Variants in PTPRT observed in about 807,000 individuals in gnomAD.
The protein encoded by PTPRT is protein tyrosine phosphatase receptor type T.
Under a neutral mutation model 176.8 loss-of-function variants are expected in PTPRT, and 56 were observed. That is an observed-to-expected ratio of 0.32 (90% confidence interval 0.26 to 0.40). PTPRT has a LOEUF of 0.40. PTPRT is among the 10% of genes least tolerant of loss of function. PTPRT has a pLI of 1.00. For synonymous variants in PTPRT, 783 were observed against 739.0 expected, an observed-to-expected ratio of 1.06 and a Z score of -0.96; for missense variants, 1,540 against 1,908.2, an observed-to-expected ratio of 0.81 and a Z score of 3.60.
intron 1 of PTPRT, among the ~76,000 whole-genome samples, chr20:43,006,377 T>C (rs1042934715): frequency 2.0e-5 from 3 of 152,244 alleles, no homozygotes; most frequent in Non-Finnish European, 4.4e-5. Flanking sequence ...TAATTCATTC[T>C]GGTTCTCAAA....
At chr20:42,188,106 G>A (rs530054263) in intron 16 of PTPRT, among the ~76,000 whole-genome samples, 43 of 152,272 alleles carry the variant, frequency 2.8e-4, no homozygotes, top group Admixed American at 2.6e-4. Flanking sequence ...ACCTCAAATC[G>A]ATTGGCCTAG....
At chr20:43,084,437 G>A (rs2011548826) in intron 1 of PTPRT, among the ~76,000 whole-genome samples, 1 of 152,020 alleles carries the variant, frequency 6.6e-6, no homozygotes. Flanking sequence ...GATGGTAGGA[G>A]ACAGAGCAAG....
chr20:42,266,600 A>G (rs1281657876), intron 13 of PTPRT, among the ~76,000 whole-genome samples: 1 of 152,114 alleles, frequency 6.6e-6, no homozygotes, highest in African/African-American at 2.4e-5. Context: ...TATTTTTCTC[A>G]ATATAAACAT....
At chr20:42,129,753 C>T (rs888050411) in intron 18 of PTPRT, among the ~76,000 whole-genome samples, 2 of 152,148 alleles carry the variant, frequency 1.3e-5, no homozygotes, top group African/African-American at 4.8e-5. Context: ...CTGGGAGTCA[C>T]GGAGGTCAGA....
the PTPRT span, among the ~76,000 whole-genome samples, chr20:42,039,703 G>A: frequency 5.8e-5 from 7 of 119,672 alleles, no homozygotes; most frequent in Non-Finnish European, 9.0e-5. Context: ...TATATATATA[G>A]TAATGTATAT....
intron 11 of PTPRT, among the ~76,000 whole-genome samples, chr20:42,321,326 C>T (rs1169063966): frequency 1.3e-5 from 2 of 152,158 alleles, no homozygotes; most frequent in Non-Finnish European, 2.9e-5. Context: ...TCAGCTGAAT[C>T]AGAATCTCTA....
intron 1 of PTPRT, among the ~76,000 whole-genome samples, chr20:42,903,502 A>T (rs1244582782): frequency 6.6e-6 from 1 of 152,260 alleles, no homozygotes. Flanking sequence ...CGATAATAGC[A>T]TCCGGCGTTC....
At chr20:42,443,285 C>T (rs2059335324) in intron 9 of PTPRT, among the ~76,000 whole-genome samples, 1 of 152,180 alleles carries the variant, frequency 6.6e-6, no homozygotes, top group African/African-American at 2.4e-5. Flanking sequence ...CTTTAATGTA[C>T]ACATGAATTA....
chr20:42,703,791 C>T (rs1334023221), intron 6 of PTPRT, among the ~76,000 whole-genome samples: 1 of 152,142 alleles, frequency 6.6e-6, no homozygotes, highest in Non-Finnish European at 1.5e-5. Context: ...CAGATGCCAC[C>T]TCTACTTGCC....
chr20:42,138,545 T>A lies in PTPRT; in HGVS notation c.2770+3370A>T, dbSNP rs563716404. ...AGAAGGGGGCCTCATTTTGTAACAT[T>A]TGCAACCCCTGTGATCACTTCAGCT... is the stretch of plus-strand genomic sequence containing the variant. On this transcript the variant is annotated intron_variant, in intron 18 of 30. Transcript: ENST00000373187. Among the ~76,000 whole-genome samples, 7 of 152,326 alleles carry A rather than the reference T, an allele frequency of 4.6e-5. No individual in the cohort carries two copies. In the South Asian group the frequency reaches 1.5e-3, roughly 32 times the overall value.
chr20:43,083,392 G>A (rs1292589261), intron 1 of PTPRT, among the ~76,000 whole-genome samples: 1 of 74,986 alleles, frequency 1.3e-5, no homozygotes, highest in Non-Finnish European at 2.8e-5. Context: ...ACAGAGTCTC[G>A]CTCTGTGGCC....
chr20:43,110,680 TA>T (rs1211349831), intron 1 of PTPRT, among the ~76,000 whole-genome samples: 2 of 152,184 alleles, frequency 1.3e-5, no homozygotes, highest in African/African-American at 4.8e-5. Context: ...AAACGTTTAT[TA>T]AAAATCACTC....
At position 43,059,059 on chromosome 20, in the gene PTPRT, C is replaced by A. The variant is rs149723450; in HGVS notation, c.88+130587G>T. 5.6e-4 allele frequency among the ~76,000 whole-genome samples: 85 copies of A among 152,318 alleles called. No homozygotes were observed. In the East Asian group the frequency reaches 0.014, roughly 25 times the overall value. ...TCCTTTGAAACCAGTCTGCACCCTG[C>A]ACCTAGCCCTTGCACTCTGAGCCTA... On this transcript the variant is annotated intron_variant, in intron 1 of 30. Coordinates refer to ENST00000373187, the MANE Select transcript of PTPRT (RefSeq NM_007050.6).
chr20:42,356,864 A>C (rs980769934), intron 9 of PTPRT, among the ~76,000 whole-genome samples: 2 of 152,152 alleles, frequency 1.3e-5, no homozygotes, highest in Non-Finnish European at 2.9e-5. Flanking sequence ...AGTACTAAAA[A>C]GAGCCATGGT....
In PTPRT at chr20:42,248,570, T is replaced by C. The variant is rs1287173142; in HGVS notation, c.2312+117A>G. ...CGGCCCATGTATTTCCGGACCTCAA[T>C]GGTTATAACAGAAGATCCCTGCTGG... On this transcript the variant is annotated intron_variant, in intron 14 of 30. Transcript: ENST00000373187. The C allele has an allele frequency of 1.9e-5, 25 of 1,324,420 alleles. No individual in the cohort carries two copies. The Admixed American group carries it at 4.9e-4, about 26-fold the overall frequency. The allele number at this position is 1,324,420 out of a possible 1,614,324, so 82.0% of individuals were successfully genotyped here. A position where few individuals can be genotyped will look rare whatever the true frequency, so the allele number is the denominator to read the frequency against.
Position 42,574,157 on chromosome 20 carries a change from C to T in PTPRT, c.1154-101595G>A, listed in dbSNP as rs185970440. Among the ~76,000 whole-genome samples, 688 of 152,212 alleles carry T rather than the reference C, an allele frequency of 4.5e-3. 7 individuals carry two copies. The highest frequency in any genetic ancestry group is 4.9e-3 in the Non-Finnish European group (335 of 68,016). On this transcript the variant is annotated intron_variant, in intron 7 of 30. Coordinates refer to ENST00000373187, the MANE Select transcript of PTPRT (RefSeq NM_007050.6). ...AGCCAGGCAGAGCATTTGACATTTCCGGTTGGAGGGCCATGGCAGCCAGTA... is the reference window on the plus strand; with the variant it reads ...AGCCAGGCAGAGCATTTGACATTTCTGGTTGGAGGGCCATGGCAGCCAGTA...
intron 1 of PTPRT, among the ~76,000 whole-genome samples, chr20:43,024,506 C>A (rs1351655349): frequency 6.6e-6 from 1 of 150,544 alleles, no homozygotes; most frequent in African/African-American, 2.4e-5. Flanking sequence ...AGGAGAATTG[C>A]TTGAACCTGG....
At chr20:42,693,534 AC>A (rs2075823363) in intron 6 of PTPRT, among the ~76,000 whole-genome samples, 1 of 152,220 alleles carries the variant, frequency 6.6e-6, no homozygotes, top group East Asian at 1.9e-4. Context: ...AGTTCAAGAA[AC>A]AATGGAGGCA....
intron 11 of PTPRT, among the ~76,000 whole-genome samples, chr20:42,348,654 G>A (rs1308847785): frequency 1.3e-5 from 2 of 152,128 alleles, no homozygotes; most frequent in African/African-American, 4.8e-5. Context: ...GAGACAAGCT[G>A]GTAGCAAGTG....
Sources: gnomAD v4.1 joint callset for allele counts (sites outside exome capture counted in the v4.1 genomes callset) on GRCh38, gnomAD v4.1.1 for gene constraint, MANE v1.5 for transcripts, NCBI Gene and HGNC (gene_info 2026-07-23, HGNC 2026-07-21) for gene names.